HLTF: variants seen among roughly 807,000 people sequenced by gnomAD.
HLTF encodes the protein helicase like transcription factor.
In HLTF, 127 loss-of-function variants were observed where a neutral mutation model predicts 129.4. The ratio of observed to expected loss-of-function variants is 0.98; its 90% CI spans 0.85 to 1.14. HLTF has a LOEUF of 1.14. Among genes scored for constraint, HLTF ranks in the 50% most tolerant of loss-of-function variants. HLTF has a pLI of 0.00. For missense variants in HLTF, 1,139 were observed against 1,187.1 expected, an observed-to-expected ratio of 0.96 and a Z score of 0.60; for synonymous variants, 332 against 388.8, an observed-to-expected ratio of 0.85 and a Z score of 1.72.
chr3:149,039,503 G>GTT (rs373823328), intron 22 of HLTF, 78 bp downstream of exon 22: 613 of 599,878 alleles, frequency 1.0e-3, no homozygotes, highest in South Asian at 2.4e-3. Flanking sequence ...AACAAATTAA[G>GTT]TTTTTTTTTT....
At chr3:149,037,666 T>C (rs1715769442) in intron 23 of HLTF, among the ~76,000 whole-genome samples, 1 of 152,170 alleles carries the variant, frequency 6.6e-6, no homozygotes, top group Non-Finnish European at 1.5e-5. Flanking sequence ...AAAATTTATA[T>C]CTCAGTAGTA....
intron 14 of HLTF, among the ~76,000 whole-genome samples, chr3:149,053,589 G>C (rs1033522286): frequency 1.2e-4 from 18 of 152,116 alleles, no homozygotes; most frequent in African/African-American, 3.1e-4. Flanking sequence ...TCCAGCCTCA[G>C]TTATTTCTTT....
At position 149,046,141 on chromosome 3, in the gene HLTF, A is replaced by C; in HGVS notation, c.2011T>G (p.Ser671Ala). Residue 671 changes from serine to alanine, a missense_variant, in exon 18 of 25, where the codon TCA becomes GCA. Coordinates refer to ENST00000310053, the MANE Select transcript of HLTF (RefSeq NM_003071.4). ...TGATAAATCTTTCTCTCTTCATCTGAAAGTGTAATGTGCTGAATAAATACT... is the reference window on the plus strand; with the variant it reads ...TGATAAATCTTTCTCTCTTCATCTGCAAGTGTAATGTGCTGAATAAATACT... ...RKVFIQHITL[S>A]DEERKIYQSV... 1 of 1,611,400 alleles carries C rather than the reference A, an allele frequency of 6.2e-7. No individual in the cohort carries two copies. The highest frequency in any genetic ancestry group is 8.5e-7 in the Non-Finnish European group (1 of 1,178,578).
chr3:149,039,239 G>T lies in HLTF; in HGVS notation c.2616-10C>A. 6.7e-7 allele frequency: 1 copy of T among 1,489,800 alleles called. No homozygotes were observed. 92.3% of individuals were successfully genotyped at this position (1,489,800 alleles called of 1,614,324 possible). A position where few individuals can be genotyped will look rare whatever the true frequency, so the allele number is the denominator to read the frequency against. ...CACAAATCCAGAGGCTCTAAAGGGG[G>T]GAAGAAAAGAGACAAGTAACAAACA... On this transcript the variant is annotated splice_polypyrimidine_tract_variant and intron_variant, in intron 22 of 24. Coordinates refer to ENST00000310053, the MANE Select transcript of HLTF (RefSeq NM_003071.4).
chr3:149,035,143 CTG>C, intron 23 of HLTF, 145 bp from the exon 24 acceptor site: 1 of 666,118 alleles, frequency 1.5e-6, no homozygotes. Flanking sequence ...CACAAATACT[CTG>C]GGGAAAAATC....
chr3:149,066,375 G>T (rs1298089655), intron 8 of HLTF, among the ~76,000 whole-genome samples: 1 of 151,960 alleles, frequency 6.6e-6, no homozygotes, highest in Non-Finnish European at 1.5e-5. Context: ...AAAATATTTT[G>T]CTCAGCAAAC....
At chr3:149,080,079 G>A (rs902908955) in intron 2 of HLTF, among the ~76,000 whole-genome samples, 2 of 152,044 alleles carry the variant, frequency 1.3e-5, no homozygotes, top group Non-Finnish European at 2.9e-5. Flanking sequence ...GAGTATTGGA[G>A]GCCAGACCCA....
intron 23 of HLTF, among the ~76,000 whole-genome samples, chr3:149,037,198 C>A (rs1399423290): frequency 6.6e-6 from 1 of 152,072 alleles, no homozygotes; most frequent in Non-Finnish European, 1.5e-5. Context: ...CGGCTGGGCG[C>A]GGTGGCTCAT....
intron 8 of HLTF, 66 bp from the exon 9 acceptor site, chr3:149,064,932 T>C: frequency 4.5e-6 from 4 of 888,964 alleles, no homozygotes; most frequent in Admixed American, 4.1e-5. Flanking sequence ...AAATGCATCC[T>C]GTTTTATATT....
intron 17 of HLTF, among the ~76,000 whole-genome samples, chr3:149,046,484 ATAGTT>A (rs1054947074): frequency 6.6e-6 from 1 of 152,118 alleles, no homozygotes; most frequent in Non-Finnish European, 1.5e-5. Flanking sequence ...AATACCTAAC[ATAGTT>A]TAATCTTTTT....
At chr3:149,082,295 A>C (rs1042861256) in intron 2 of HLTF, among the ~76,000 whole-genome samples, 2 of 152,192 alleles carry the variant, frequency 1.3e-5, no homozygotes, top group Admixed American at 6.5e-5. Context: ...CGTCTCTACC[A>C]AAAATACAAA....
At chr3:149,047,275 C>T (rs1218321347) in intron 17 of HLTF, among the ~76,000 whole-genome samples, 4 of 152,172 alleles carry the variant, frequency 2.6e-5, no homozygotes, top group Admixed American at 2.0e-4. Flanking sequence ...TCTATCTCCA[C>T]CAGAAACAAC....
intron 24 of HLTF, among the ~76,000 whole-genome samples, chr3:149,032,975 A>AC (rs1559850324): frequency 2.1e-5 from 3 of 142,196 alleles, no homozygotes; most frequent in Non-Finnish European, 3.1e-5. Context: ...AAAAAAAAAA[A>AC]AACAAAAAAC....
Position 149,031,511 on chromosome 3 carries a change from A to G in HLTF, c.*709T>C, listed in dbSNP as rs1206592183. On this transcript the variant is annotated 3_prime_UTR_variant, in exon 25 of 25. Transcript: ENST00000310053. ...ACTGGTTTGCCTCTCACTCCCACAGACTATATTTATACCTCAGACACAGCA... is the reference window on the plus strand; with the variant it reads ...ACTGGTTTGCCTCTCACTCCCACAGGCTATATTTATACCTCAGACACAGCA... 6.6e-6 allele frequency: 1 copy of G among 152,640 alleles called. No homozygotes were observed. The highest frequency in any genetic ancestry group is 1.5e-5 in the Non-Finnish European group (1 of 68,024). 9.5% of individuals were successfully genotyped at this position (152,640 alleles called of 1,614,324 possible).
chr3:149,065,574 C>G (rs1056908423), intron 8 of HLTF, among the ~76,000 whole-genome samples: 1 of 152,134 alleles, frequency 6.6e-6, no homozygotes, highest in Non-Finnish European at 1.5e-5. Flanking sequence ...CGCAGTGGCT[C>G]ATGCCAGCAC....
chr3:149,055,476 T>C lies in HLTF; in HGVS notation c.1376-76A>G, dbSNP rs74629339. The C allele has an allele frequency of 6.7e-3, 6,029 of 900,288 alleles. 143 individuals are homozygous for C. Among genetic ancestry groups the C allele is most frequent in the Admixed American group, 0.059 (2,903 of 49,186 alleles). The allele number at this position is 900,288 out of a possible 1,614,324, so 55.8% of individuals were successfully genotyped here. Reference sequence around the variant, plus strand: ...TATGTCAATAAGGAGATGGCAATAATGTGCCTCCATGAAAAGATAAATTAG... The same window carrying C: ...TATGTCAATAAGGAGATGGCAATAACGTGCCTCCATGAAAAGATAAATTAG... On this transcript the variant is annotated intron_variant, in intron 13 of 24. Coordinates refer to ENST00000310053, the MANE Select transcript of HLTF (RefSeq NM_003071.4).
At position 149,046,259 on chromosome 3, in the gene HLTF, C is replaced by T. The variant is rs1264909194; in HGVS notation, c.1893G>A (p.Arg631=). 6.8e-7 allele frequency: 1 copy of T among 1,478,670 alleles called. No homozygotes were observed. The allele number at this position is 1,478,670 out of a possible 1,614,324, so 91.6% of individuals were successfully genotyped here. A position where few individuals can be genotyped will look rare whatever the true frequency, so the allele number is the denominator to read the frequency against. The change falls in exon 18 of 25, where the codon AGG becomes AGA. Residue 631 remains arginine (R), a splice_region_variant and synonymous_variant. Coordinates refer to ENST00000310053, the MANE Select transcript of HLTF (RefSeq NM_003071.4). ...TATTTTTAATTAGGGACTGTAAACGCCTAATCAGAATAAAACAAATAATTA... is the reference window on the plus strand; with the variant it reads ...TATTTTTAATTAGGGACTGTAAACGTCTAATCAGAATAAAACAAATAATTA... ...PVTMGDEGGL[R]RLQSLIKNIT... is the part of the protein sequence containing the mutation.
At chr3:149,057,670 T>C (rs1373705652) in intron 13 of HLTF, among the ~76,000 whole-genome samples, 7 of 152,144 alleles carry the variant, frequency 4.6e-5, no homozygotes, top group Non-Finnish European at 2.9e-5. Context: ...CCTTATTGTA[T>C]ATAATATTTT....
intron 23 of HLTF, among the ~76,000 whole-genome samples, chr3:149,036,597 C>G (rs571626964): frequency 1.9e-4 from 29 of 151,936 alleles, no homozygotes; most frequent in Admixed American, 5.9e-4. Context: ...CCATATTACC[C>G]CAATACTTAT....
Sources: gnomAD v4.1 joint callset for allele counts (sites outside exome capture counted in the v4.1 genomes callset) on GRCh38, gnomAD v4.1.1 for gene constraint, MANE v1.5 for transcripts, NCBI Gene and HGNC (gene_info 2026-07-23, HGNC 2026-07-21) for gene names.